The following TAF3 variants were observed in gnomAD, a reference collection of about 807,000 sequenced individuals.
TAF3 encodes transcription initiation factor TFIID subunit 3.
TAF3 carries 7 observed loss-of-function variants against 80.6 expected under a neutral mutation model. That is an observed-to-expected ratio of 0.09 (90% confidence interval 0.05 to 0.16). The LOEUF (loss-of-function observed/expected upper bound fraction) is 0.16, where lower values mean the gene tolerates loss of function less well. Among genes scored for constraint, TAF3 ranks in the 10% least tolerant of loss-of-function variants. The probability of loss-of-function intolerance (pLI) is 1.00; values close to 1 mark genes in which losing one functional copy is unlikely to be tolerated. For missense variants in TAF3, 921 were observed against 1,140.2 expected, an observed-to-expected ratio of 0.81 and a Z score of 2.77; for synonymous variants, 444 against 446.1, an observed-to-expected ratio of 1.00 and a Z score of 0.06.
Position 7,965,637 on chromosome 10 carries a change from G to C in TAF3, c.2127G>C (p.Lys709Asn). The change falls in exon 3 of 7, where the codon AAG (lysine) becomes AAC (asparagine). Residue 709 changes from lysine (K) to asparagine (N), a missense_variant. Lys to Asn is a moderately conservative substitution (Grantham distance 94, BLOSUM62 0). This residue lies in a region of TAF3 where 743 missense variants were observed against 821.0 expected (regional missense o/e 0.90). Transcript: ENST00000344293. ...KEKKKDKKEKKKKKEKEKEKK... is the reference protein window; with the variant it reads ...KEKKKDKKEKNKKKEKEKEKK... Reference sequence around the variant, plus strand: ...AGAAAAAGGACAAAAAGGAGAAGAAGAAAAAGAAGGAAAAAGAGAAGGAGA... The same window carrying C: ...AGAAAAAGGACAAAAAGGAGAAGAACAAAAAGAAGGAAAAAGAGAAGGAGA... 6.4e-7 allele frequency: 1 copy of C among 1,565,884 alleles called. No homozygotes were observed. The highest frequency in any genetic ancestry group is 8.6e-7 in the Non-Finnish European group (1 of 1,157,600).
At chr10:7,820,580 G>A (rs1007279360) in intron 1 of TAF3, among the ~76,000 whole-genome samples, 5 of 152,160 alleles carry the variant, frequency 3.3e-5, no homozygotes, top group African/African-American at 7.2e-5. Flanking sequence ...CTATAGCCTC[G>A]AACTTCAGGG....
intron 2 of TAF3, among the ~76,000 whole-genome samples, chr10:7,840,799 T>C (rs1434148680): frequency 1.3e-5 from 2 of 152,174 alleles, no homozygotes; most frequent in African/African-American, 4.8e-5. Flanking sequence ...ATTTAGCTAA[T>C]GACTGCTTAC....
intron 4 of TAF3, among the ~76,000 whole-genome samples, chr10:7,986,978 C>G (rs1831784785): frequency 6.6e-6 from 1 of 152,122 alleles, no homozygotes; most frequent in Admixed American, 6.5e-5. Context: ...ACCCTTCCCC[C>G]AGGTTAATCA....
At chr10:7,963,182 TC>T (rs1267782194) in intron 2 of TAF3, among the ~76,000 whole-genome samples, 1 of 152,174 alleles carries the variant, frequency 6.6e-6, no homozygotes, top group Non-Finnish European at 1.5e-5. Flanking sequence ...GTCATAAAAG[TC>T]CTAAAAATAC....
chr10:7,852,737 A>G (rs772443349), intron 2 of TAF3, among the ~76,000 whole-genome samples: 1 of 152,166 alleles, frequency 6.6e-6, no homozygotes, highest in African/African-American at 2.4e-5. Context: ...AGAAGTTGCA[A>G]ATTGGTAACA....
intron 3 of TAF3, among the ~76,000 whole-genome samples, chr10:7,975,462 A>T (rs1453244800): frequency 5.9e-5 from 9 of 152,230 alleles, no homozygotes; most frequent in Non-Finnish European, 1.3e-4. Context: ...TAGCTGGGTT[A>T]GCTGGTAAAC....
At chr10:7,864,545 C>G (rs1837190568) in intron 2 of TAF3, among the ~76,000 whole-genome samples, 1 of 152,202 alleles carries the variant, frequency 6.6e-6, no homozygotes, top group African/African-American at 2.4e-5. Context: ...TTCCTCCTAT[C>G]TAAGCGTAAT....
At chr10:7,951,591 A>AC (rs1208877075) in intron 2 of TAF3, among the ~76,000 whole-genome samples, 1 of 152,232 alleles carries the variant, frequency 6.6e-6, no homozygotes, top group African/African-American at 2.4e-5. Context: ...TCACACAGCC[A>AC]CCCAAAATCA....
rs1332318538 is a variant in TAF3 at position 7,965,849 on chromosome 10, A to G, written c.2232+107A>G. 1.0e-5 allele frequency: 14 copies of G among 1,372,730 alleles called. No homozygotes were observed. The African/African-American group carries it at 1.9e-4, about 19-fold the overall frequency. 85.0% of individuals were successfully genotyped at this position (1,372,730 alleles called of 1,614,324 possible). On this transcript the variant is annotated intron_variant, in intron 3 of 6. Coordinates refer to ENST00000344293, the MANE Select transcript of TAF3 (RefSeq NM_031923.4). ...GTATTCTGGGTGTAAATCACCCATC[A>G]CTTAAGTGGAAATATGTTTATAATG...
chr10:7,927,683 C>T (rs1229977943), intron 2 of TAF3, among the ~76,000 whole-genome samples: 3 of 152,138 alleles, frequency 2.0e-5, no homozygotes, highest in African/African-American at 7.2e-5. Flanking sequence ...ATAACCCCTT[C>T]CTCCTTAAAT....
At chr10:7,899,530 A>G (rs1342071776) in intron 2 of TAF3, among the ~76,000 whole-genome samples, 1 of 152,104 alleles carries the variant, frequency 6.6e-6, no homozygotes, top group Non-Finnish European at 1.5e-5. Flanking sequence ...CCCCTTCTCC[A>G]TCTTCTAGAA....
At chr10:7,845,889 CAG>C (rs1836964812) in intron 2 of TAF3, among the ~76,000 whole-genome samples, 1 of 150,930 alleles carries the variant, frequency 6.6e-6, no homozygotes, top group South Asian at 2.1e-4. Flanking sequence ...TTGAAGGCAA[CAG>C]ATTATTTCTT....
At chr10:7,953,777 G>T (rs1312404347) in intron 2 of TAF3, among the ~76,000 whole-genome samples, 18 of 152,288 alleles carry the variant, frequency 1.2e-4, no homozygotes, top group African/African-American at 4.3e-4. Flanking sequence ...GCACATCATA[G>T]GCAAATGAAT....
intron 2 of TAF3, among the ~76,000 whole-genome samples, chr10:7,957,090 A>T (rs1356789344): frequency 6.6e-6 from 1 of 152,176 alleles, no homozygotes; most frequent in Non-Finnish European, 1.5e-5. Flanking sequence ...AAGTCATATC[A>T]CTATCAACTT....
chr10:7,910,328 A>T (rs12414886), intron 2 of TAF3, among the ~76,000 whole-genome samples: 53,504 of 150,114 alleles, frequency 0.36, 10,573 homozygotes, highest in Admixed American at 0.49. Context: ...CAACATACAA[A>T]CATCTAAATA....
At chr10:8,010,870 T>A (rs1486284448) in intron 5 of TAF3, among the ~76,000 whole-genome samples, 2 of 152,072 alleles carry the variant, frequency 1.3e-5, no homozygotes, top group Non-Finnish European at 2.9e-5. Context: ...ATCGTACCAC[T>A]GCTCTCTAGC....
intron 2 of TAF3, among the ~76,000 whole-genome samples, chr10:7,850,674 CAAAAAA>C (rs869282243): frequency 8.0e-6 from 1 of 124,400 alleles, no homozygotes; most frequent in African/African-American, 2.9e-5. Flanking sequence ...GACTCCATCT[CAAAAAA>C]AAAAAAATAT....
rs777381826 is a variant in TAF3 at position 7,965,659 on chromosome 10, GAGA to G, written c.2155_2157del (p.Lys719del). The G allele has an allele frequency of 6.3e-7, 1 of 1,590,824 alleles. No homozygotes were observed. Among genetic ancestry groups the G allele is most frequent in the East Asian group, 2.3e-5 (1 of 44,340 alleles). ...GAAGAAAAAGAAGGAAAAAGAGAAGGAGAAGAAGGAGAAGGAAAGAGAGAAAGA... is the reference window on the plus strand; with the variant it reads ...GAAGAAAAAGAAGGAAAAAGAGAAGGAGAAGGAGAAGGAAAGAGAGAAAGA... On this transcript the variant is annotated inframe_deletion, in exon 3 of 7. Coordinates refer to ENST00000344293, the MANE Select transcript of TAF3 (RefSeq NM_031923.4).
intron 4 of TAF3, among the ~76,000 whole-genome samples, chr10:7,985,896 G>A (rs1831772029): frequency 6.7e-6 from 1 of 148,820 alleles, no homozygotes. Context: ...TGATTCTCCT[G>A]CCTTGGCCTC....
Sources: gnomAD v4.1 joint callset for allele counts (sites outside exome capture counted in the v4.1 genomes callset) on GRCh38, gnomAD v4.1.1 for gene constraint, gnomAD v4.1.1 regional missense constraint, MANE v1.5 for transcripts, NCBI Gene and HGNC (gene_info 2026-07-23, HGNC 2026-07-21) for gene names.